RBFOX1: variants seen among roughly 807,000 people sequenced by gnomAD.
RBFOX1 encodes the protein RNA binding fox-1 homolog 1, also known as RNA binding protein fox-1 homolog 1.
A neutral mutation model predicts 57.7 loss-of-function variants in RBFOX1; 8 were observed. That is an observed-to-expected ratio of 0.14 (90% CI 0.08 to 0.25). RBFOX1 has a LOEUF of 0.25. Among genes scored for constraint, RBFOX1 ranks in the 10% least tolerant of loss-of-function variants. RBFOX1 has a pLI of 1.00. For missense variants in RBFOX1, 611 were observed against 548.5 expected, an observed-to-expected ratio of 1.11 and a Z score of -1.14; for synonymous variants, 326 against 222.4, an observed-to-expected ratio of 1.47 and a Z score of -4.15.
chr16:7,533,123 G>A (rs1294422916), intron 5 of RBFOX1, among the ~76,000 whole-genome samples: 1 of 152,200 alleles, frequency 6.6e-6, no homozygotes, highest in Admixed American at 6.5e-5. Context: ...GTTTTACCAA[G>A]TGTACCCTTT....
intron 2 of RBFOX1, among the ~76,000 whole-genome samples, chr16:6,502,682 T>C (rs893835305): frequency 1.6e-4 from 24 of 152,188 alleles, no homozygotes; most frequent in Admixed American, 4.6e-4. Context: ...TTAACTCTTT[T>C]ACCTCTGCTA....
intron 3 of RBFOX1, among the ~76,000 whole-genome samples, chr16:6,834,557 G>A (rs889486737): frequency 1.3e-5 from 2 of 152,110 alleles, no homozygotes; most frequent in African/African-American, 4.8e-5. Context: ...GGAGATATCA[G>A]TAAGTGATTT....
rs551794241 is a variant in RBFOX1 at position 6,078,857 on chromosome 16, T to A, written c.-127+58865T>A. ...TCTTAGAATTAGTAGATTTTCATGG[T>A]TCTAAGACTCTATCTGAAAACTGTG... is the stretch of plus-strand genomic sequence containing the variant. On this transcript the variant is annotated intron_variant, in intron 1 of 15. Coordinates refer to ENST00000550418, the MANE Select transcript of RBFOX1 (RefSeq NM_018723.4). 4.6e-5 allele frequency among the ~76,000 whole-genome samples: 7 copies of A among 152,362 alleles called. No individual in the cohort carries two copies. In the South Asian group the frequency reaches 1.4e-3, roughly 32 times the overall value.
intron 2 of RBFOX1, among the ~76,000 whole-genome samples, chr16:6,625,752 T>G (rs1446624606): frequency 6.6e-6 from 1 of 151,868 alleles, no homozygotes; most frequent in Non-Finnish European, 1.5e-5. Flanking sequence ...CCAGTGAGCC[T>G]CATTACATTT....
At chr16:6,032,151 A>G (rs189897705) in intron 1 of RBFOX1, among the ~76,000 whole-genome samples, 2 of 151,890 alleles carry the variant, frequency 1.3e-5, no homozygotes, top group Non-Finnish European at 1.5e-5. Flanking sequence ...CGTGCTTTCA[A>G]TTCTGCTGCT....
chr16:6,982,955 T>C (rs1250151827), intron 3 of RBFOX1, among the ~76,000 whole-genome samples: 4 of 142,834 alleles, frequency 2.8e-5, no homozygotes, highest in Non-Finnish European at 4.5e-5. Flanking sequence ...CATCATGCCA[T>C]TGTGCTCCAG....
At chr16:7,693,195 C>T (rs1249985169) in intron 14 of RBFOX1, 32 of 760,522 alleles carry the variant, frequency 4.2e-5, no homozygotes, top group Non-Finnish European at 6.0e-5. Flanking sequence ...CACATTTCCT[C>T]GCAACATCCA....
chr16:6,945,735 A>T (rs1042075354), intron 3 of RBFOX1, among the ~76,000 whole-genome samples: 5 of 152,190 alleles, frequency 3.3e-5, no homozygotes, highest in Admixed American at 2.6e-4. Flanking sequence ...TACTAAAAAT[A>T]TACAAATTAG....
In RBFOX1 at chr16:5,344,801, C is replaced by T. The variant is rs529146653; in HGVS notation, c.219+104696C>T. 3.9e-5 allele frequency among the ~76,000 whole-genome samples: 6 copies of T among 152,270 alleles called. No homozygotes were observed. In the East Asian group the frequency reaches 7.7e-4, roughly 20 times the overall value. ...CAACGTTATTTAAAATGTCTATGAA[C>T]AGCACGTGCTTTGAGAAAATAGGGC... On this transcript the variant is annotated intron_variant, in intron 1 of 2. Transcript: ENST00000585867.
intron 1 of RBFOX1, among the ~76,000 whole-genome samples, chr16:5,426,911 C>T (rs538201448): frequency 7.9e-5 from 12 of 152,278 alleles, no homozygotes; most frequent in Admixed American, 3.3e-4. Flanking sequence ...AATTGGAGCC[C>T]AGAGCCCTGT....
intron 3 of RBFOX1, among the ~76,000 whole-genome samples, chr16:5,692,223 C>T (rs71390677): frequency 1.2e-3 from 172 of 148,348 alleles, no homozygotes; most frequent in Non-Finnish European, 1.2e-4. Flanking sequence ...GTTTGTGTTT[C>T]ACTGCTAGCA....
At chr16:6,362,270 T>A (rs745526583) in intron 2 of RBFOX1, among the ~76,000 whole-genome samples, 25 of 151,958 alleles carry the variant, frequency 1.6e-4, no homozygotes, top group Non-Finnish European at 3.1e-4. Context: ...CTAATGCCCG[T>A]CCTTCCTCTA....
At chr16:7,074,468 G>A (rs2057940458) in intron 4 of RBFOX1, among the ~76,000 whole-genome samples, 1 of 152,150 alleles carries the variant, frequency 6.6e-6, no homozygotes, top group Admixed American at 6.5e-5. Flanking sequence ...ACATCAGATT[G>A]TAAAATGCTG....
intron 4 of RBFOX1, among the ~76,000 whole-genome samples, chr16:5,963,024 T>C (rs2059780098): frequency 6.6e-6 from 1 of 152,188 alleles, no homozygotes; most frequent in Non-Finnish European, 1.5e-5. Context: ...AGAATGGCAT[T>C]TTACTCATTT....
intron 3 of RBFOX1, among the ~76,000 whole-genome samples, chr16:6,877,967 G>A (rs949535823): frequency 6.6e-6 from 1 of 152,128 alleles, no homozygotes; most frequent in Non-Finnish European, 1.5e-5. Context: ...TAGGGGATAA[G>A]GGTTTCAGAG....
At chr16:7,142,396 T>G (rs2152119616) in intron 4 of RBFOX1, among the ~76,000 whole-genome samples, 1 of 152,272 alleles carries the variant, frequency 6.6e-6, no homozygotes, top group South Asian at 2.1e-4. Flanking sequence ...GTCCTGAGCT[T>G]CTTGTTGATG....
intron 4 of RBFOX1, among the ~76,000 whole-genome samples, chr16:7,273,260 T>TCCTTCCTTCCTTCCTC (rs2095373627): frequency 8.2e-6 from 1 of 121,314 alleles, no homozygotes; most frequent in Non-Finnish European, 1.7e-5. Flanking sequence ...CTTCCTTCCT[T>TCCTTCCTTCCTTCCTC]CCTCCCTTTC....
rs547902050 is a variant in RBFOX1 at position 7,593,040 on chromosome 16, C to T, written c.469-2509C>T. Among the ~76,000 whole-genome samples, 13 of 150,794 alleles carry T rather than the reference C, an allele frequency of 8.6e-5. No homozygotes were observed. In the South Asian group the frequency reaches 2.8e-3, roughly 32 times the overall value. ...ATGTTACTCAGCCTGGTCTCAAACT[C>T]CTGGGCTCAAGTGATCCTCCTGCCT... On this transcript the variant is annotated intron_variant, in intron 7 of 15. Coordinates refer to ENST00000550418, the MANE Select transcript of RBFOX1 (RefSeq NM_018723.4).
At chr16:6,104,254 T>C (rs1245602103) in intron 1 of RBFOX1, among the ~76,000 whole-genome samples, 2 of 152,194 alleles carry the variant, frequency 1.3e-5, no homozygotes, top group African/African-American at 4.8e-5. Flanking sequence ...GATTAATGGT[T>C]CCATTTAAAA....
Sources: gnomAD v4.1 joint callset for allele counts (sites outside exome capture counted in the v4.1 genomes callset) on GRCh38, gnomAD v4.1.1 for gene constraint, MANE v1.5 for transcripts, NCBI Gene and HGNC (gene_info 2026-07-23, HGNC 2026-07-21) for gene names.